Variants in GREB1 observed in about 807,000 individuals in gnomAD.
GREB1 encodes protein GREB1.
In GREB1, 106 loss-of-function variants were observed where a neutral mutation model predicts 200.7. The observed-to-expected ratio is 0.53, with a 90% CI of 0.45 to 0.62. The LOEUF (loss-of-function observed/expected upper bound fraction) is 0.62, where lower values mean the gene tolerates loss of function less well. Among genes scored for constraint, GREB1 ranks in the 20% least tolerant of loss-of-function variants. The pLI is 0.00. For synonymous variants in GREB1, 1,132 were observed against 1,092.4 expected (o/e 1.04, Z -0.72); for missense variants, 2,243 against 2,556.8 (o/e 0.88, Z 2.65).
chr2:11,630,362 T>C (rs1027033064), intron 26 of GREB1, among the ~76,000 whole-genome samples: 4 of 152,222 alleles, frequency 2.6e-5, no homozygotes, highest in African/African-American at 9.6e-5. Flanking sequence ...ATTGTTACAT[T>C]GGAGAGTAGC....
At chr2:11,619,397 G>A (rs1572161772) in intron 22 of GREB1, among the ~76,000 whole-genome samples, 1 of 152,222 alleles carries the variant, frequency 6.6e-6, no homozygotes, top group African/African-American at 2.4e-5. Flanking sequence ...TGAGCCTGTG[G>A]GGAGGAGGAG....
chr2:11,546,386 T>C (rs1675282488), intron 1 of GREB1, among the ~76,000 whole-genome samples: 1 of 152,188 alleles, frequency 6.6e-6, no homozygotes, highest in Non-Finnish European at 1.5e-5. Context: ...AATACACACA[T>C]ATATATGTAT....
At chr2:11,575,402 A>G (rs1462739896) in intron 4 of GREB1, among the ~76,000 whole-genome samples, 2 of 152,200 alleles carry the variant, frequency 1.3e-5, no homozygotes, top group East Asian at 1.9e-4. Flanking sequence ...TTTACAGTGT[A>G]TGAAGGTCTT....
intron 1 of GREB1, among the ~76,000 whole-genome samples, chr2:11,555,037 C>A (rs541921049): frequency 3.3e-4 from 51 of 152,306 alleles, no homozygotes; most frequent in African/African-American, 1.1e-3. Context: ...ACACTTCATA[C>A]TAAACCTTGT....
chr2:11,583,233 T>G (rs936099734), intron 7 of GREB1, among the ~76,000 whole-genome samples: 2 of 152,202 alleles, frequency 1.3e-5, no homozygotes, highest in African/African-American at 4.8e-5. Flanking sequence ...TGAGATCCAA[T>G]TCCAAGCCCT....
chr2:11,504,757 T>C (rs1301044496), intron 1 of GREB1, among the ~76,000 whole-genome samples: 1 of 152,262 alleles, frequency 6.6e-6, no homozygotes, highest in Non-Finnish European at 1.5e-5. Flanking sequence ...CAAACATTGC[T>C]TGATTGCTTA....
chr2:11,551,769 G>GT (rs1344078555), intron 1 of GREB1, among the ~76,000 whole-genome samples: 3 of 152,126 alleles, frequency 2.0e-5, no homozygotes, highest in Non-Finnish European at 4.4e-5. Context: ...TCCCGGTCAT[G>GT]GAACCAAGAA....
intron 1 of GREB1, among the ~76,000 whole-genome samples, chr2:11,550,230 A>G (rs1344839107): frequency 1.3e-5 from 2 of 152,124 alleles, no homozygotes; most frequent in African/African-American, 4.8e-5. Context: ...AAATAATAAT[A>G]ATAAATAAAT....
chr2:11,637,374 AC>A (rs925921100), intron 30 of GREB1, among the ~76,000 whole-genome samples: 15 of 151,804 alleles, frequency 9.9e-5, no homozygotes, highest in African/African-American at 3.6e-4. Context: ...TGGGGACAGG[AC>A]CTTTGGTGGG....
At chr2:11,624,655 A>G (rs1328691392) in intron 23 of GREB1, among the ~76,000 whole-genome samples, 1 of 152,142 alleles carries the variant, frequency 6.6e-6, no homozygotes, top group African/African-American at 2.4e-5. Flanking sequence ...AAGATACACA[A>G]ATGTTTCACA....
chr2:11,489,974 CAAAT>C (rs896834880), intron 1 of GREB1, among the ~76,000 whole-genome samples: 10 of 148,524 alleles, frequency 6.7e-5, no homozygotes, highest in Non-Finnish European at 1.2e-4. Context: ...AGATATATAA[CAAAT>C]AATATTGTAA....
At chr2:11,532,168 A>C (rs1674097252), upstream of GREB1, among the ~76,000 whole-genome samples, 1 of 152,212 alleles carries the variant, frequency 6.6e-6, no homozygotes, top group African/African-American at 2.4e-5. Flanking sequence ...TATTCGAGTC[A>C]TTAATTCTTG....
rs1243687177 is a variant in GREB1 at position 11,576,299 on chromosome 2, C to A, written c.455-54C>A. On this transcript the variant is annotated intron_variant, in intron 4 of 32. Coordinates refer to ENST00000381486, the MANE Select transcript of GREB1 (RefSeq NM_014668.4). Reference sequence around the variant, plus strand: ...TCCAGCCTAGATGACAAGAACGAGACTTCATCTCAAAAAAAAAAAAAGAAA... The same window carrying A: ...TCCAGCCTAGATGACAAGAACGAGAATTCATCTCAAAAAAAAAAAAAGAAA... 7.0e-6 allele frequency: 10 copies of A among 1,431,678 alleles called. No individual in the cohort carries two copies. In the Admixed American group the frequency reaches 1.8e-4, roughly 26 times the overall value. 88.7% of individuals were successfully genotyped at this position (1,431,678 alleles called of 1,614,324 possible). A position where few individuals can be genotyped will look rare whatever the true frequency, so the allele number is the denominator to read the frequency against.
Position 11,583,813 on chromosome 2 carries a change from C to T in GREB1, c.902-1348C>T, listed in dbSNP as rs192064132. The stretch of plus-strand genomic sequence containing the variant: ...GGCAGAGGTTGCAGTGAGCTGAGGC[C>T]GCGCCACTGCACTCCAGCCTGGGCA... On this transcript the variant is annotated intron_variant, in intron 7 of 32. Transcript: ENST00000381486. Among the ~76,000 whole-genome samples the T allele has an allele frequency of 1.5e-3, 233 of 151,804 alleles. 2 individuals are homozygous for T. The East Asian group carries it at 0.028, about 19-fold the overall frequency.
At chr2:11,589,388 A>C (rs1035237896) in intron 10 of GREB1, among the ~76,000 whole-genome samples, 2 of 152,124 alleles carry the variant, frequency 1.3e-5, no homozygotes, top group African/African-American at 2.4e-5. Context: ...TGATCTGAGG[A>C]ATGAGGACAG....
rs547642915 is a variant in GREB1, at chr2:11,578,364, G to A, written c.705G>A (p.Thr235=). Residue 235 remains threonine, a synonymous_variant, in exon 6 of 33, where the codon ACG becomes ACA. Transcript: ENST00000381486. ...CCCTCTTCCCAGCCCTGGAGAGCACGGCTGCCTTCCCCAGCGAGCCCGTTC... is the reference window on the plus strand; with the variant it reads ...CCCTCTTCCCAGCCCTGGAGAGCACAGCTGCCTTCCCCAGCGAGCCCGTTC... ...SSSLFPALES[T]AAFPSEPVPG... 7.4e-6 allele frequency: 12 copies of A among 1,614,108 alleles called. No individual in the cohort carries two copies. Among genetic ancestry groups the A allele is most frequent in the East Asian group, 4.5e-5 (2 of 44,880 alleles).
intron 1 of GREB1, among the ~76,000 whole-genome samples, chr2:11,504,093 CTTACT>C (rs772968255): frequency 6.6e-6 from 1 of 152,186 alleles, no homozygotes; most frequent in Non-Finnish European, 1.5e-5. Flanking sequence ...CCTTCTGTCT[CTTACT>C]GTACTGTACT....
intron 1 of GREB1, among the ~76,000 whole-genome samples, chr2:11,553,935 T>G (rs1676184214): frequency 8.4e-6 from 1 of 119,306 alleles, no homozygotes; most frequent in Non-Finnish European, 1.8e-5. Context: ...ACCTTAAAGC[T>G]TCTTCCTGTG....
At chr2:11,487,844 A>C (rs1272264096) in intron 1 of GREB1, among the ~76,000 whole-genome samples, 1 of 152,206 alleles carries the variant, frequency 6.6e-6, no homozygotes, top group Admixed American at 6.5e-5. Context: ...ACGAGTTTAC[A>C]TCAGAATCCA....
Sources: allele counts gnomAD v4.1 joint callset (sites outside exome capture counted in the v4.1 genomes callset), GRCh38; gene constraint gnomAD v4.1.1; transcripts MANE v1.5; gene names NCBI Gene and HGNC (gene_info 2026-07-23, HGNC 2026-07-21).